SNX16: variants seen among roughly 807,000 people sequenced by gnomAD.
SNX16 encodes sorting nexin 16, also known as sorting nexin-16.
SNX16 carries 35 observed loss-of-function variants against 36.7 expected under a neutral mutation model. That is an observed-to-expected ratio of 0.95 (90% CI 0.73 to 1.27). SNX16 has a LOEUF of 1.27. SNX16 is among the 50% of genes most tolerant of loss of function. The pLI is 0.00. For synonymous variants in SNX16, 134 were observed against 132.0 expected (o/e 1.02, Z -0.10); for missense variants, 367 against 393.6 (o/e 0.93, Z 0.57).
intron 3 of SNX16, among the ~76,000 whole-genome samples, chr8:81,824,859 G>C (rs1172987906): frequency 6.6e-6 from 1 of 152,134 alleles, no homozygotes. Flanking sequence ...ATTATGCAAT[G>C]AATTCAGGCC....
chr8:81,828,304 C>A (rs1226420834), intron 3 of SNX16, among the ~76,000 whole-genome samples: 5 of 152,054 alleles, frequency 3.3e-5, no homozygotes, highest in African/African-American at 4.8e-5. Flanking sequence ...ATACTTCCAA[C>A]GCTGGGTATT....
At chr8:81,816,471 C>G (rs1309664640) in intron 4 of SNX16, among the ~76,000 whole-genome samples, 1 of 151,546 alleles carries the variant, frequency 6.6e-6, no homozygotes, top group African/African-American at 2.4e-5. Context: ...ATTACAGGCA[C>G]GAACCACCGC....
chr8:81,811,330 C>T (rs922385598), intron 5 of SNX16, among the ~76,000 whole-genome samples: 3 of 152,106 alleles, frequency 2.0e-5, no homozygotes, highest in African/African-American at 7.2e-5. Flanking sequence ...CCAAGCCACA[C>T]AGGACAACAG....
At chr8:81,823,732 T>G in intron 4 of SNX16, 60 bp downstream of exon 4, 1 of 1,426,300 alleles carries the variant, frequency 7.0e-7, no homozygotes, top group South Asian at 1.4e-5. Flanking sequence ...AGATTTATTC[T>G]TTAATTTACG....
chr8:81,829,402 GT>G, intron 3 of SNX16, 27 bp downstream of exon 3: 1 of 1,041,438 alleles, frequency 9.6e-7, no homozygotes, highest in Non-Finnish European at 1.3e-6. Flanking sequence ...AAACTGAAAT[GT>G]TAGTTTGGAT....
intron 5 of SNX16, among the ~76,000 whole-genome samples, chr8:81,805,067 GA>G (rs1465850267): frequency 6.6e-6 from 1 of 151,990 alleles, no homozygotes; most frequent in African/African-American, 2.4e-5. Context: ...TAACAATTAA[GA>G]AATACATATT....
intron 4 of SNX16, among the ~76,000 whole-genome samples, chr8:81,818,540 T>G (rs1810591607): frequency 6.6e-6 from 1 of 152,144 alleles, no homozygotes; most frequent in Non-Finnish European, 1.5e-5. Flanking sequence ...ATACCACTGA[T>G]AGTTATCTAC....
chr8:81,810,268 T>C (rs936180285), intron 5 of SNX16, among the ~76,000 whole-genome samples: 1 of 152,162 alleles, frequency 6.6e-6, no homozygotes, highest in East Asian at 1.9e-4. Context: ...TAATCTTAAT[T>C]CCCTCTTTTA....
At position 81,801,329 on chromosome 8, in the gene SNX16, T is replaced by C. The variant is rs139417766; in HGVS notation, c.*168A>G. 1.9e-4 allele frequency: 81 copies of C among 416,816 alleles called. 1 individual carries two copies. The highest frequency in any genetic ancestry group is 1.4e-3 in the African/African-American group (70 of 48,674). 25.8% of individuals were successfully genotyped at this position (416,816 alleles called of 1,614,324 possible). A position where few individuals can be genotyped will look rare whatever the true frequency, so the allele number is the denominator to read the frequency against. ...ATACAATTAAAAGCAGCAGTGAATA[T>C]ATTTCCTATCTCAATAACTTAAAAA... On this transcript the variant is annotated 3_prime_UTR_variant, in exon 8 of 8. Coordinates refer to ENST00000345957, the MANE Select transcript of SNX16 (RefSeq NM_152836.3).
intron 2 of SNX16, among the ~76,000 whole-genome samples, chr8:81,839,080 A>T (rs1160200866): frequency 6.6e-6 from 1 of 152,162 alleles, no homozygotes; most frequent in African/African-American, 2.4e-5. Context: ...CTGAAATGAT[A>T]AAAATGTTAA....
At chr8:81,803,462 A>G (rs919036832) in intron 5 of SNX16, among the ~76,000 whole-genome samples, 2 of 151,940 alleles carry the variant, frequency 1.3e-5, no homozygotes, top group Non-Finnish European at 2.9e-5. Context: ...TTTTCTTAAG[A>G]CTTACAGTAG....
chr8:81,824,209 C>T (rs1031261944), intron 3 of SNX16, among the ~76,000 whole-genome samples: 3 of 152,116 alleles, frequency 2.0e-5, no homozygotes, highest in Non-Finnish European at 4.4e-5. Context: ...AGAACCATTT[C>T]ATTCTGGCTA....
intron 1 of SNX16, chr8:81,841,908 G>A (rs1268556356): frequency 1.3e-5 from 2 of 152,144 alleles, no homozygotes; most frequent in African/African-American, 4.8e-5. Flanking sequence ...TGGGATCACA[G>A]ACTCTCCCGC....
intron 5 of SNX16, among the ~76,000 whole-genome samples, chr8:81,809,698 T>TA (rs1470113834): frequency 1.3e-5 from 2 of 152,200 alleles, no homozygotes; most frequent in Non-Finnish European, 2.9e-5. Context: ...TTAGTGGTGA[T>TA]ATAGAGCAAA....
chr8:81,805,982 TAC>T (rs1266571816), intron 5 of SNX16, among the ~76,000 whole-genome samples: 6 of 152,032 alleles, frequency 3.9e-5, no homozygotes, highest in African/African-American at 1.4e-4. Flanking sequence ...TCTAGAAAAA[TAC>T]AGATTCTCAA....
chr8:81,818,226 A>T (rs1810577336), intron 4 of SNX16, among the ~76,000 whole-genome samples: 1 of 152,148 alleles, frequency 6.6e-6, no homozygotes, highest in Non-Finnish European at 1.5e-5. Flanking sequence ...TAATGTGTTG[A>T]TTCTCATGAG....
At chr8:81,835,294 C>T (rs1172805285) in intron 2 of SNX16, among the ~76,000 whole-genome samples, 3 of 152,190 alleles carry the variant, frequency 2.0e-5, no homozygotes, top group South Asian at 2.1e-4. Context: ...TTTCCTCCTA[C>T]GCCTTTGGGC....
At chr8:81,819,059 C>A (rs1810618584) in intron 4 of SNX16, among the ~76,000 whole-genome samples, 1 of 152,070 alleles carries the variant, frequency 6.6e-6, no homozygotes, top group Middle Eastern at 3.4e-3. Flanking sequence ...CCAGATCCAT[C>A]CTGAACTTTA....
At chr8:81,826,318 A>AC (rs1193848132) in intron 3 of SNX16, among the ~76,000 whole-genome samples, 1 of 152,054 alleles carries the variant, frequency 6.6e-6, no homozygotes, top group African/African-American at 2.4e-5. Context: ...TCTGCCACAG[A>AC]TTTTTTATAT....
Sources: gnomAD v4.1 joint callset for allele counts (sites outside exome capture counted in the v4.1 genomes callset) on GRCh38, gnomAD v4.1.1 for gene constraint, MANE v1.5 for transcripts, NCBI Gene and HGNC (gene_info 2026-07-23, HGNC 2026-07-21) for gene names.